The following DGLUCY variants were observed in gnomAD, a reference collection of about 807,000 sequenced individuals.
The protein encoded by DGLUCY is D-glutamate cyclase.
DGLUCY carries 58 observed loss-of-function variants against 58.5 expected under a neutral mutation model. The observed-to-expected ratio is 0.99, with a 90% CI of 0.80 to 1.23. The LOEUF is 1.23. Ranked by LOEUF, DGLUCY falls within the 50% of genes most tolerant of loss-of-function variation. The pLI is 0.00. For missense variants in DGLUCY, 779 were observed against 784.7 expected (o/e 0.99, Z 0.09); for synonymous variants, 325 against 314.1 (o/e 1.03, Z -0.37).
chr14:91,141,753 G>A (rs1013817044), intron 1 of DGLUCY, among the ~76,000 whole-genome samples: 30 of 151,848 alleles, frequency 2.0e-4, no homozygotes, highest in South Asian at 1.7e-3. Flanking sequence ...CTTTCACCAC[G>A]TTGGTCAGGC....
intron 1 of DGLUCY, among the ~76,000 whole-genome samples, chr14:91,122,957 T>C (rs1428815035): frequency 6.6e-6 from 1 of 152,148 alleles, no homozygotes; most frequent in African/African-American, 2.4e-5. Flanking sequence ...AGGCACTCAC[T>C]ATGTAGCCGG....
At chr14:91,134,059 A>G (rs2046185259) in intron 1 of DGLUCY, among the ~76,000 whole-genome samples, 1 of 152,090 alleles carries the variant, frequency 6.6e-6, no homozygotes, top group African/African-American at 2.4e-5. Context: ...TCTGTGTCTT[A>G]ATATCTGGTA....
At chr14:91,066,129 G>A (rs1384647885) in intron 1 of DGLUCY, among the ~76,000 whole-genome samples, 1 of 152,184 alleles carries the variant, frequency 6.6e-6, no homozygotes, top group Non-Finnish European at 1.5e-5. Context: ...TGTAATCCCA[G>A]CACTTTGGGA....
intron 1 of DGLUCY, among the ~76,000 whole-genome samples, chr14:91,089,927 C>A (rs2044282541): frequency 6.6e-6 from 1 of 152,010 alleles, no homozygotes; most frequent in African/African-American, 2.4e-5. Flanking sequence ...AGTAATTACT[C>A]TGGGACAACA....
At chr14:91,198,081 C>T (rs754897224) in intron 10 of DGLUCY, among the ~76,000 whole-genome samples, 7 of 152,194 alleles carry the variant, frequency 4.6e-5, no homozygotes, top group South Asian at 2.1e-4. Context: ...CTTGCTCTGT[C>T]GCCCAGTCTA....
intron 11 of DGLUCY, among the ~76,000 whole-genome samples, chr14:91,201,662 T>C (rs2050570361): frequency 6.6e-6 from 1 of 152,132 alleles, no homozygotes; most frequent in African/African-American, 2.4e-5. Context: ...CAGCCTGGTC[T>C]CGAACTCCTG....
rs758301013 is a variant in DGLUCY, at chr14:91,176,033, G to C, written c.707G>C (p.Ser236Thr). Residue 236 changes from serine (S) to threonine (T), a missense_variant, in exon 7 of 14, where the codon AGT becomes ACT. Physicochemically the swap from Ser to Thr is moderately conservative, Grantham distance 58. Coordinates refer to ENST00000256324, the MANE Select transcript of DGLUCY (RefSeq NM_001102368.3). Reference sequence around the variant, plus strand: ...GTGTTCTGGCCTTCTCCGCTGACCAGTCTCGGAGCTGTCAGCAGCTGTGGT... The same window carrying C: ...GTGTTCTGGCCTTCTCCGCTGACCACTCTCGGAGCTGTCAGCAGCTGTGGT... ...VPVFWPSPLT[S>T]LGAVSSCETP... is the part of the protein sequence containing the mutation. 6.2e-6 allele frequency: 10 copies of C among 1,613,928 alleles called. No individual in the cohort carries two copies. The Admixed American group carries it at 6.7e-5, about 11-fold the overall frequency.
intron 1 of DGLUCY, chr14:91,060,842 G>A (rs2140003817): frequency 6.4e-6 from 1 of 157,308 alleles, no homozygotes; most frequent in Non-Finnish European, 1.4e-5. Flanking sequence ...GTTGCTTGGC[G>A]GGGAGGCAGG....
chr14:91,183,951 G>A (rs1038498669), intron 8 of DGLUCY, among the ~76,000 whole-genome samples: 1 of 152,034 alleles, frequency 6.6e-6, no homozygotes, highest in East Asian at 1.9e-4. Context: ...GGTACAAACC[G>A]CCCTTGGCAC....
chr14:91,207,075 C>A (rs1470413770), intron 12 of DGLUCY, among the ~76,000 whole-genome samples: 1 of 146,416 alleles, frequency 6.8e-6, no homozygotes, highest in Non-Finnish European at 1.5e-5. Context: ...GGGAGGAGAA[C>A]TTGAGCCCAG....
At chr14:91,188,127 T>C (rs936572101) in intron 8 of DGLUCY, among the ~76,000 whole-genome samples, 1 of 152,036 alleles carries the variant, frequency 6.6e-6, no homozygotes, top group Non-Finnish European at 1.5e-5. Flanking sequence ...CCAGGGTGAG[T>C]GTCCTGGGTC....
At chr14:91,153,905 G>A (rs975751924) in intron 1 of DGLUCY, among the ~76,000 whole-genome samples, 2 of 151,950 alleles carry the variant, frequency 1.3e-5, no homozygotes, top group African/African-American at 4.8e-5. Context: ...TATTATTTTT[G>A]TTTGTTTGTT....
In DGLUCY at chr14:91,121,609, AAATAATAATAATAATAAT is replaced by A. The variant is rs55743510; in HGVS notation, c.-82+7354_-82+7371del. Among the ~76,000 whole-genome samples, 245 of 142,792 alleles carry A rather than the reference AAATAATAATAATAATAAT, an allele frequency of 1.7e-3. 2 individuals carry two copies. Among genetic ancestry groups the A allele is most frequent in the African/African-American group, 5.5e-3 (213 of 39,048 alleles). 93.7% of individuals were successfully genotyped at this position (142,792 alleles called of 152,430 possible). A position where few individuals can be genotyped will look rare whatever the true frequency, so the allele number is the denominator to read the frequency against. Reference sequence around the variant, plus strand: ...GTGACAGAGTGAGACTCCATCTCAAAAATAATAATAATAATAATAATAATAATAATAATAATAATAATA... The same window carrying A: ...GTGACAGAGTGAGACTCCATCTCAAAAATAATAATAATAATAATAATAATA... On this transcript the variant is annotated intron_variant, in intron 1 of 13. Coordinates refer to ENST00000256324, the MANE Select transcript of DGLUCY (RefSeq NM_001102368.3).
Position 91,225,091 on chromosome 14 carries a change from C to T in DGLUCY, c.*258C>T. 3.1e-6 allele frequency: 1 copy of T among 327,644 alleles called. No homozygotes were observed. Among genetic ancestry groups the T allele is most frequent in the South Asian group, 8.5e-5 (1 of 11,760 alleles). 20.3% of individuals were successfully genotyped at this position (327,644 alleles called of 1,614,324 possible). ...AAAGGCGTTGATTTCAACCCTCCTT[C>T]ACTCTGGCTTCTTCAGGCAACCCAC... On this transcript the variant is annotated 3_prime_UTR_variant, in exon 14 of 14. Transcript: ENST00000256324.
chr14:91,157,231 G>GTGGA lies in DGLUCY; in HGVS notation c.-81-385_-81-382dup, dbSNP rs1196165761. 1.8e-3 allele frequency among the ~76,000 whole-genome samples: 172 copies of GTGGA among 94,900 alleles called. 1 individual carries two copies. The highest frequency in any genetic ancestry group is 7.7e-3 in the South Asian group (23 of 3,002). 62.3% of individuals were successfully genotyped at this position (94,900 alleles called of 152,430 possible). On this transcript the variant is annotated intron_variant, in intron 1 of 13. Coordinates refer to ENST00000256324, the MANE Select transcript of DGLUCY (RefSeq NM_001102368.3). ...AATGAATGGGTGGATGGATGGATGG[G>GTGGA]TGGATGGATGGATGGATGGATGGAT... is the stretch of plus-strand genomic sequence containing the variant.
chr14:91,160,290 A>G lies in DGLUCY; in HGVS notation c.-5A>G. ...GATTCTCTGCTACTTATTCAAGTTG[A>G]CACGATGCCCTTCACACTCCACCTG... On this transcript the variant is annotated 5_prime_UTR_variant, in exon 3 of 14. Transcript: ENST00000256324. 1 of 1,608,822 alleles carries G rather than the reference A, an allele frequency of 6.2e-7. No homozygotes were observed. The highest frequency in any genetic ancestry group is 8.5e-7 in the Non-Finnish European group (1 of 1,175,404).
rs147426090 is a variant in DGLUCY, at chr14:91,077,236, C to A, written c.-82+16532C>A. 3.4e-3 allele frequency among the ~76,000 whole-genome samples: 496 copies of A among 146,076 alleles called. 1 individual carries two copies. The highest frequency in any genetic ancestry group is 0.011 in the Admixed American group (151 of 14,188). On this transcript the variant is annotated intron_variant, in intron 1 of 4. Coordinates refer to the DGLUCY transcript ENST00000521334. ...AGTCTGGGTGTCAGAGCAAGGCAAG[C>A]AAGCAAGCAAAGAGTGGGGAGAGAG...
intron 1 of DGLUCY, among the ~76,000 whole-genome samples, chr14:91,151,061 T>C (rs942128871): frequency 6.6e-6 from 1 of 152,238 alleles, no homozygotes; most frequent in East Asian, 1.9e-4. Context: ...AATGGAATCA[T>C]ACAATATTTG....
chr14:91,197,740 G>T (rs1469246943), intron 10 of DGLUCY, among the ~76,000 whole-genome samples: 1 of 152,146 alleles, frequency 6.6e-6, no homozygotes, highest in African/African-American at 2.4e-5. Flanking sequence ...CCTTTTTAAG[G>T]CTGAATAACA....
Sources: gnomAD v4.1 joint callset for allele counts (sites outside exome capture counted in the v4.1 genomes callset) on GRCh38, gnomAD v4.1.1 for gene constraint, MANE v1.5 for transcripts, NCBI Gene and HGNC (gene_info 2026-07-23, HGNC 2026-07-21) for gene names.